The following RYR3 variants were observed in gnomAD, a reference collection of about 807,000 sequenced individuals.
The protein encoded by RYR3 is brain ryanodine receptor-calcium release channel.
RYR3 carries 207 observed loss-of-function variants against 584.3 expected under a neutral mutation model. The ratio of observed to expected loss-of-function variants is 0.35; its 90% confidence interval spans 0.32 to 0.40. The LOEUF is 0.40. Among genes scored for constraint, RYR3 ranks in the 10% least tolerant of loss-of-function variants. The pLI, the probability that RYR3 is intolerant of heterozygous loss-of-function variation, is 1.00. For synonymous variants in RYR3, 2,416 were observed against 2,248.5 expected (o/e 1.07, Z -2.11); for missense variants, 5,616 against 6,089.2 (o/e 0.92, Z 2.59).
At chr15:33,667,054 G>GTGAAAAAACAAATTTC in intron 36 of RYR3, among the ~76,000 whole-genome samples, 1 of 152,074 alleles carries the variant, frequency 6.6e-6, no homozygotes. Flanking sequence ...CCACAAACGT[G>GTGAAAAAACAAATTTC]ACCCAACCTG....
intron 11 of RYR3, among the ~76,000 whole-genome samples, chr15:33,564,481 G>A (rs2057589662): frequency 6.6e-6 from 1 of 152,110 alleles, no homozygotes; most frequent in Admixed American, 6.6e-5. Flanking sequence ...AGGGCTGCAC[G>A]CTGGGAATAA....
At position 33,369,596 on chromosome 15, in the gene RYR3, G is replaced by A. The variant is rs989086734; in HGVS notation, c.51+58500G>A. Among the ~76,000 whole-genome samples, 3 of 152,030 alleles carry A rather than the reference G, an allele frequency of 2.0e-5. No individual in the cohort carries two copies. In the East Asian group the frequency reaches 5.8e-4, roughly 29 times the overall value. ...CATCTATCTATCTGTCTGTCTGTCT[G>A]TCTGTCTGTCTATCCATCCATCCAT... is the stretch of plus-strand genomic sequence containing the variant. On this transcript the variant is annotated intron_variant, in intron 1 of 103. Transcript: ENST00000634891.
intron 3 of RYR3, among the ~76,000 whole-genome samples, chr15:33,530,115 C>T (rs1388919418): frequency 6.6e-6 from 1 of 152,112 alleles, no homozygotes. Flanking sequence ...ATAAAGGACC[C>T]ATTTAAGGGA....
rs1423220030 is a variant in RYR3, at chr15:33,662,189, C to A, written c.4659C>A (p.Asp1553Glu). ...TCCTGGAGCTCTGTGAGCAGGAGGA[C>A]CTGATGCGGTTCCATTACCACACGC... is the stretch of plus-strand genomic sequence containing the variant. ...VDILELCEQE[D>E]LMRFHYHTLR... The change falls in exon 35 of 104, where the codon GAC becomes GAA. Residue 1553 changes from aspartate to glutamate, a missense_variant. By Grantham distance (45) the Asp-to-Glu change is conservative (BLOSUM62 2). Coordinates refer to ENST00000634891, the MANE Select transcript of RYR3 (RefSeq NM_001036.6). The A allele has an allele frequency of 1.2e-6, 2 of 1,605,880 alleles. No homozygotes were observed. The highest frequency in any genetic ancestry group is 1.7e-6 in the Non-Finnish European group (2 of 1,177,058).
At chr15:33,772,656 C>T (rs1019258216) in intron 63 of RYR3, among the ~76,000 whole-genome samples, 1 of 152,118 alleles carries the variant, frequency 6.6e-6, no homozygotes, top group Non-Finnish European at 1.5e-5. Flanking sequence ...TTAGTGCCAC[C>T]ACCTCCTCCA....
At chr15:33,714,717 C>A (rs2067372669) in intron 43 of RYR3, among the ~76,000 whole-genome samples, 1 of 152,216 alleles carries the variant, frequency 6.6e-6, no homozygotes, top group African/African-American at 2.4e-5. Context: ...CCTAGCTTTG[C>A]TGAATCTGCT....
intron 38 of RYR3, among the ~76,000 whole-genome samples, chr15:33,681,119 A>G (rs988376746): frequency 2.0e-5 from 3 of 152,200 alleles, no homozygotes; most frequent in East Asian, 1.9e-4. Context: ...AGCTGCCTCA[A>G]CAATACATAG....
At chr15:33,393,982 G>A (rs1381798925) in intron 1 of RYR3, among the ~76,000 whole-genome samples, 11 of 152,174 alleles carry the variant, frequency 7.2e-5, no homozygotes, top group Admixed American at 7.2e-4. Context: ...AGAGACACAG[G>A]ATCAAACAAT....
rs1176638434 is a variant in RYR3, at chr15:33,662,838, G to A, written c.5308G>A (p.Glu1770Lys). The A allele has an allele frequency of 6.2e-7, 1 of 1,613,806 alleles. No individual in the cohort carries two copies. Among genetic ancestry groups the A allele is most frequent in the Non-Finnish European group, 8.5e-7 (1 of 1,179,898 alleles). ...AGTEEGAEKE[E>K]VTQVEEKAVE... ...GACAGAGGAGGGAGCAGAAAAGGAG[G>A]AAGTGACCCAGGTGGAGGAGAAGGC... is the stretch of plus-strand genomic sequence containing the variant. The change falls in exon 35 of 104, where the codon GAA (glutamate) becomes AAA (lysine). Residue 1770 changes from glutamate (E) to lysine (K), a missense_variant. Transcript: ENST00000634891.
At position 33,489,291 on chromosome 15, in the gene RYR3, G is replaced by A. The variant is rs147703672; in HGVS notation, c.172-14340G>A. ...TTGTGTCACAAGGGTTTGTTGTACA[G>A]AGTATTTCATCATCCAGGTATTAAG... On this transcript the variant is annotated intron_variant, in intron 2 of 103. Transcript: ENST00000634891. Among the ~76,000 whole-genome samples, 177 of 152,256 alleles carry A rather than the reference G, an allele frequency of 1.2e-3. 3 individuals carry two copies. Among genetic ancestry groups the A allele is most frequent in the African/African-American group, 4.1e-3 (170 of 41,548 alleles).
intron 99 of RYR3, among the ~76,000 whole-genome samples, chr15:33,858,399 GT>G (rs1182221958): frequency 3.3e-5 from 5 of 151,938 alleles, no homozygotes; most frequent in Non-Finnish European, 5.9e-5. Flanking sequence ...TAGTGATGGG[GT>G]TTCTCTATGT....
rs75556242 is a variant in RYR3 at position 33,848,504 on chromosome 15, C to G, written c.13628+83C>G. ...TAACTCTTTCCTCCTGGCCTTAAAACTGGTTAATATAAACTGTCTTTTGAT... is the reference window on the plus strand; with the variant it reads ...TAACTCTTTCCTCCTGGCCTTAAAAGTGGTTAATATAAACTGTCTTTTGAT... On this transcript the variant is annotated intron_variant, in intron 94 of 103. Coordinates refer to ENST00000634891, the MANE Select transcript of RYR3 (RefSeq NM_001036.6). 1.0e-3 allele frequency: 1,488 copies of G among 1,468,204 alleles called. 22 individuals are homozygous for G. The East Asian group carries it at 0.03, about 30-fold the overall frequency. The allele number at this position is 1,468,204 out of a possible 1,614,324, so 90.9% of individuals were successfully genotyped here.
At chr15:33,598,565 C>A in intron 16 of RYR3, among the ~76,000 whole-genome samples, 1 of 151,154 alleles carries the variant, frequency 6.6e-6, no homozygotes. Context: ...GACAGAATCC[C>A]AAACCAGTTT....
intron 1 of RYR3, among the ~76,000 whole-genome samples, chr15:33,317,751 C>T (rs963495865): frequency 2.0e-5 from 3 of 152,120 alleles, no homozygotes; most frequent in Non-Finnish European, 2.9e-5. Flanking sequence ...AGAGCTATAC[C>T]TCCTCTCCTC....
In RYR3 at chr15:33,628,586, C is replaced by T. The variant is rs763849235; in HGVS notation, c.2679+11C>T. 6.4e-7 allele frequency: 1 copy of T among 1,555,464 alleles called. No homozygotes were observed. The highest frequency in any genetic ancestry group is 1.7e-5 in the Admixed American group (1 of 59,898). ...TGGACTTTCGGCAAGGTATGTGTCTCAGGGCCAGGTTAGGGTGGAGGGTGG... is the reference window on the plus strand; with the variant it reads ...TGGACTTTCGGCAAGGTATGTGTCTTAGGGCCAGGTTAGGGTGGAGGGTGG... On this transcript the variant is annotated intron_variant, in intron 21 of 103. Coordinates refer to ENST00000634891, the MANE Select transcript of RYR3 (RefSeq NM_001036.6).
intron 48 of RYR3, among the ~76,000 whole-genome samples, chr15:33,732,304 C>T (rs2069029397): frequency 1.3e-5 from 2 of 149,008 alleles, no homozygotes; most frequent in Non-Finnish European, 3.0e-5. Context: ...AGGAGAATGG[C>T]GTGAACCTGG....
intron 1 of RYR3, among the ~76,000 whole-genome samples, chr15:33,422,999 T>C (rs2044347084): frequency 6.6e-6 from 1 of 152,224 alleles, no homozygotes; most frequent in Non-Finnish European, 1.5e-5. Flanking sequence ...TTGTAACATA[T>C]ATATAACATT....
intron 1 of RYR3, among the ~76,000 whole-genome samples, chr15:33,377,281 G>A (rs1259028138): frequency 2.0e-5 from 3 of 152,202 alleles, no homozygotes; most frequent in Admixed American, 6.5e-5. Flanking sequence ...CTTCTGGGCA[G>A]CTCTTCTCTA....
At chr15:33,601,679 TAAGAC>T (rs2059669573) in intron 17 of RYR3, 127 bp downstream of exon 17, 2 of 965,440 alleles carry the variant, frequency 2.1e-6, no homozygotes, top group Admixed American at 2.1e-5. Flanking sequence ...TACAAGTACA[TAAGAC>T]AAGACCAAGC....
Sources: allele counts gnomAD v4.1 joint callset (sites outside exome capture counted in the v4.1 genomes callset), GRCh38; gene constraint gnomAD v4.1.1; transcripts MANE v1.5; gene names NCBI Gene and HGNC (gene_info 2026-07-23, HGNC 2026-07-21).